Variants in OSBPL10 observed in about 807,000 individuals in gnomAD.
The protein encoded by OSBPL10 is oxysterol-binding protein-related protein 10.
In OSBPL10, 49 loss-of-function variants were observed where a neutral mutation model predicts 81.7. That is an observed-to-expected ratio of 0.60 (90% confidence interval 0.48 to 0.76). The LOEUF (loss-of-function observed/expected upper bound fraction) is 0.76. Among genes scored for constraint, OSBPL10 ranks in the 30% least tolerant of loss-of-function variants. The pLI is 0.00. For synonymous variants in OSBPL10, 419 were observed against 383.6 expected, an observed-to-expected ratio of 1.09 and a Z score of -1.08; for missense variants, 923 against 987.8, an observed-to-expected ratio of 0.93 and a Z score of 0.88.
chr3:31,749,115 C>A (rs192091027), intron 4 of OSBPL10, among the ~76,000 whole-genome samples: 93 of 152,306 alleles, frequency 6.1e-4, no homozygotes, highest in Admixed American at 4.9e-3. Context: ...TCCACAAAAG[C>A]TGTTTTTATT....
chr3:32,037,968 T>C (rs1699535947), intron 2 of OSBPL10, among the ~76,000 whole-genome samples: 1 of 152,228 alleles, frequency 6.6e-6, no homozygotes, highest in Admixed American at 6.5e-5. Flanking sequence ...AATGTTTTTA[T>C]ATCAGAACAG....
At chr3:31,712,016 G>A (rs1696270938) in intron 6 of OSBPL10, among the ~76,000 whole-genome samples, 1 of 152,102 alleles carries the variant, frequency 6.6e-6, no homozygotes, top group East Asian at 1.9e-4. Flanking sequence ...CACCAAAGAG[G>A]AGCACTTAAA....
chr3:31,965,776 TTATA>T (rs1209441640), intron 1 of OSBPL10, among the ~76,000 whole-genome samples: 1 of 76,050 alleles, frequency 1.3e-5, no homozygotes, highest in Non-Finnish European at 2.2e-5. Flanking sequence ...ATAATATATA[TTATA>T]TAAATAGATA....
intron 7 of OSBPL10, among the ~76,000 whole-genome samples, chr3:31,692,953 G>T (rs1210221615): frequency 6.6e-6 from 1 of 152,244 alleles, no homozygotes; most frequent in Non-Finnish European, 1.5e-5. Context: ...CAGAAAGGGA[G>T]AAAGAATGGA....
At chr3:31,747,635 T>C (rs1697567703) in intron 5 of OSBPL10, among the ~76,000 whole-genome samples, 1 of 152,178 alleles carries the variant, frequency 6.6e-6, no homozygotes, top group Admixed American at 6.5e-5. Context: ...AAATGTTACA[T>C]TTTTAACTTC....
intron 1 of OSBPL10, among the ~76,000 whole-genome samples, chr3:31,941,101 T>C (rs1697525292): frequency 6.6e-6 from 1 of 152,152 alleles, no homozygotes; most frequent in Admixed American, 6.5e-5. Flanking sequence ...CATTCAAAAA[T>C]TGCTTTCTCC....
intron 1 of OSBPL10, among the ~76,000 whole-genome samples, chr3:31,946,255 T>C (rs577970189): frequency 3.3e-5 from 5 of 152,162 alleles, no homozygotes; most frequent in African/African-American, 1.2e-4. Flanking sequence ...GCTAAAATTA[T>C]AGGCGTGAGC....
chr3:31,965,853 GATA>G, intron 1 of OSBPL10, among the ~76,000 whole-genome samples: 1 of 52,936 alleles, frequency 1.9e-5, no homozygotes, highest in African/African-American at 7.7e-5. Context: ...TATATAAAAA[GATA>G]ATATATAATA....
intron 4 of OSBPL10, among the ~76,000 whole-genome samples, chr3:31,761,936 G>A (rs1320006074): frequency 6.6e-6 from 1 of 151,996 alleles, no homozygotes; most frequent in African/African-American, 2.4e-5. Flanking sequence ...ACTCAGCAAT[G>A]AAAGGGAAAG....
intron 3 of OSBPL10, among the ~76,000 whole-genome samples, chr3:31,831,387 C>G (rs1700237335): frequency 1.4e-5 from 2 of 144,626 alleles, no homozygotes. Context: ...GCCTGGGCAA[C>G]AAGAGCGAAA....
intron 4 of OSBPL10, among the ~76,000 whole-genome samples, chr3:31,781,160 T>C (rs146632295): frequency 6.6e-6 from 1 of 152,308 alleles, no homozygotes; most frequent in Non-Finnish European, 1.5e-5. Flanking sequence ...TGGTTTAACA[T>C]ATTTAAGTCA....
At chr3:32,003,384 C>T (rs888379066) in intron 2 of OSBPL10, among the ~76,000 whole-genome samples, 1 of 152,180 alleles carries the variant, frequency 6.6e-6, no homozygotes, top group Non-Finnish European at 1.5e-5. Flanking sequence ...CCTAAGGCAC[C>T]TGGTTTGCAA....
At chr3:31,909,148 G>C (rs1696503111) in intron 1 of OSBPL10, among the ~76,000 whole-genome samples, 1 of 152,208 alleles carries the variant, frequency 6.6e-6, no homozygotes, top group African/African-American at 2.4e-5. Context: ...GCAAAGTAAA[G>C]AACTTGAGAG....
chr3:31,759,646 T>C (rs1371328237), intron 4 of OSBPL10, among the ~76,000 whole-genome samples: 1 of 152,184 alleles, frequency 6.6e-6, no homozygotes, highest in Non-Finnish European at 1.5e-5. Context: ...TAAAAACTTA[T>C]CTAATACACC....
At chr3:31,874,753 G>T (rs1446133146) in intron 3 of OSBPL10, among the ~76,000 whole-genome samples, 3 of 152,094 alleles carry the variant, frequency 2.0e-5, no homozygotes, top group African/African-American at 7.2e-5. Flanking sequence ...GAACTGGTGG[G>T]AGTACAAATA....
At chr3:31,958,111 C>T (rs1051322575) in intron 1 of OSBPL10, among the ~76,000 whole-genome samples, 8 of 152,196 alleles carry the variant, frequency 5.3e-5, no homozygotes, top group Non-Finnish European at 1.0e-4. Flanking sequence ...GGTGCAGTAA[C>T]TCTCGGGCCA....
intron 2 of OSBPL10, among the ~76,000 whole-genome samples, chr3:32,003,556 G>T (rs911413911): frequency 6.6e-6 from 1 of 152,208 alleles, no homozygotes; most frequent in Admixed American, 6.5e-5. Context: ...TGAAGAAACA[G>T]GGTGTTTCTG....
At chr3:31,989,357 A>G in intron 2 of OSBPL10, 3 of 1,614,222 alleles carry the variant, frequency 1.9e-6, no homozygotes, top group Non-Finnish European at 2.5e-6. Flanking sequence ...GAAAGACATG[A>G]AAGTCATCAC....
intron 8 of OSBPL10, among the ~76,000 whole-genome samples, chr3:31,673,323 T>C (rs540740793): frequency 1.3e-5 from 2 of 152,304 alleles, no homozygotes; most frequent in African/African-American, 4.8e-5. Flanking sequence ...CTTCTTTGAA[T>C]TGGGTTGAGA....
Sources: allele counts gnomAD v4.1 joint callset (sites outside exome capture counted in the v4.1 genomes callset), GRCh38; gene constraint gnomAD v4.1.1; transcripts MANE v1.5; gene names NCBI Gene and HGNC (gene_info 2026-07-23, HGNC 2026-07-21).